The following CACNB1 variants were observed in gnomAD, a reference collection of about 807,000 sequenced individuals.
CACNB1 encodes voltage-dependent L-type calcium channel subunit beta-1.
In CACNB1, 29 loss-of-function variants were observed where a neutral mutation model predicts 71.6. That is an observed-to-expected ratio of 0.40 (90% CI 0.30 to 0.55). The LOEUF (loss-of-function observed/expected upper bound fraction) is 0.55. Among genes scored for constraint, CACNB1 ranks in the 20% least tolerant of loss-of-function variants. The pLI is 0.38. For synonymous variants in CACNB1, 300 were observed against 319.6 expected, an observed-to-expected ratio of 0.94 and a Z score of 0.65; for missense variants, 623 against 801.8, an observed-to-expected ratio of 0.78 and a Z score of 2.69.
intron 1 of CACNB1, chr17:39,195,261 G>A (rs567958789): frequency 1.0e-4 from 33 of 317,200 alleles, no homozygotes; most frequent in African/African-American, 4.1e-4. Context: ...GGGGAGGCGC[G>A]GAGAAGCTGG....
intron 3 of CACNB1, among the ~76,000 whole-genome samples, chr17:39,188,565 CT>C (rs1253397014): frequency 6.7e-6 from 1 of 148,910 alleles, no homozygotes; most frequent in East Asian, 1.9e-4. Flanking sequence ...CAGAGTGAGA[CT>C]CCGTCAAAAA....
In CACNB1 at chr17:39,177,437, G is replaced by C; in HGVS notation, c.1245C>G (p.Pro415=). Residue 415 remains proline (P), a synonymous_variant, in exon 13 of 14, where the codon CCC becomes CCG. Coordinates refer to ENST00000394303, the MANE Select transcript of CACNB1 (RefSeq NM_000723.5). ...LEAYWKATHP[P]SSTPPNPLLN... is the part of the protein sequence containing the mutation. ...GCAGCGGATTGGGTGGCGTGCTGCT[G>C]GGCGGGTGTGTGGCCTTCCAATAGG... 6.2e-7 allele frequency: 1 copy of C among 1,613,816 alleles called. No homozygotes were observed. Among genetic ancestry groups the C allele is most frequent in the Non-Finnish European group, 8.5e-7 (1 of 1,179,828 alleles).
Position 39,194,939 on chromosome 17 carries a change from T to C in CACNB1, c.116A>G (p.Lys39Arg). 1 of 1,613,370 alleles carries C rather than the reference T, an allele frequency of 6.2e-7. No homozygotes were observed. Among genetic ancestry groups the C allele is most frequent in the Non-Finnish European group, 8.5e-7 (1 of 1,179,504 alleles). Residue 39 changes from lysine (K) to arginine (R), a missense_variant, in exon 2 of 14, where the codon AAA becomes AGA. Physicochemically the swap from Lys to Arg is conservative, Grantham distance 26. Coordinates refer to ENST00000394303, the MANE Select transcript of CACNB1 (RefSeq NM_000723.5). The surrounding 1 kb of genome is among the most constrained non-coding windows in gnomAD (Gnocchi z 4.6). Reference protein sequence around the residue: ...GKYSKRKGRFKRSDGSTSSDT... With the variant: ...GKYSKRKGRFRRSDGSTSSDT... Reference sequence around the variant, plus strand: ...CGAGGACGTGCTCCCATCTGACCGTTTGAATCGCCCTTTCCTCTTGCTGTA... The same window carrying C: ...CGAGGACGTGCTCCCATCTGACCGTCTGAATCGCCCTTTCCTCTTGCTGTA...
intron 3 of CACNB1, among the ~76,000 whole-genome samples, chr17:39,189,792 C>T (rs747515339): frequency 1.4e-4 from 22 of 151,790 alleles, no homozygotes; most frequent in Non-Finnish European, 2.6e-4. Flanking sequence ...GCCACCGCAC[C>T]CAGCCAGCCC....
rs568685414 is a variant in CACNB1 at position 39,178,148 on chromosome 17, G to A, written c.1051-69C>T. On this transcript the variant is annotated intron_variant, in intron 11 of 13. Transcript: ENST00000394303. ...AGGCAATGCACCCAGTCAGAGAGGC[G>A]GGTCCTGGTTGGATCAGCATGGAGA... 445 of 1,191,476 alleles carry A rather than the reference G, an allele frequency of 3.7e-4. 2 individuals carry two copies. Among genetic ancestry groups the A allele is most frequent in the South Asian group, 2.8e-3 (234 of 82,140 alleles). The allele number at this position is 1,191,476 out of a possible 1,614,324, so 73.8% of individuals were successfully genotyped here. A position where few individuals can be genotyped will look rare whatever the true frequency, so the allele number is the denominator to read the frequency against.
rs1029953588 is a variant in CACNB1, at chr17:39,197,455, G to T, written c.41C>A (p.Pro14His). 10 of 1,484,756 alleles carry T rather than the reference G, an allele frequency of 6.7e-6. No homozygotes were observed. In the Admixed American group the frequency reaches 2.8e-4, roughly 41 times the overall value. 92.0% of individuals were successfully genotyped at this position (1,484,756 alleles called of 1,614,324 possible). A position where few individuals can be genotyped will look rare whatever the true frequency, so the allele number is the denominator to read the frequency against. Residue 14 changes from proline to histidine, a missense_variant, in exon 1 of 14, where the codon CCC becomes CAC. By Grantham distance (77) the Pro-to-His change is moderately conservative. Transcript: ENST00000394303. ...KTSMSRGPYP[P>H]SQEIPMEVFD... ...GACCTCCATGGGGATCTCCTGGGAGGGTGGGTAAGGGCCCCGGGACATGCT... is the reference window on the plus strand; with the variant it reads ...GACCTCCATGGGGATCTCCTGGGAGTGTGGGTAAGGGCCCCGGGACATGCT...
chr17:39,191,760 T>C (rs1347000587), intron 2 of CACNB1, 167 bp from the exon 3 acceptor site: 2 of 627,772 alleles, frequency 3.2e-6, no homozygotes, highest in African/African-American at 1.9e-5. Flanking sequence ...GACCAGGAGC[T>C]GAGATTTCTC....
At position 39,174,904 on chromosome 17, in the gene CACNB1, T is replaced by C. The variant is rs143095135; in HGVS notation, c.*289A>G. The stretch of plus-strand genomic sequence containing the variant: ...GAGTTAAGGAAGTGCACCTTTTCTC[T>C]AGGAGGGTGAGGGAGGAGAGCCCCT... On this transcript the variant is annotated 3_prime_UTR_variant, in exon 14 of 14. Coordinates refer to ENST00000394303, the MANE Select transcript of CACNB1 (RefSeq NM_000723.5). 1.5e-3 allele frequency: 648 copies of C among 428,432 alleles called. 4 individuals carry two copies. The Middle Eastern group carries it at 0.024, about 16-fold the overall frequency. The allele number at this position is 428,432 out of a possible 1,614,324, so 26.5% of individuals were successfully genotyped here.
In CACNB1 at chr17:39,175,374, C is replaced by T. The variant is rs764091576; in HGVS notation, c.1616G>A (p.Gly539Asp). The T allele has an allele frequency of 1.9e-6, 3 of 1,614,016 alleles. No homozygotes were observed. Among genetic ancestry groups the T allele is most frequent in the Middle Eastern group, 1.7e-4 (1 of 6,060 alleles). The change falls in exon 14 of 14, where the codon GGC becomes GAC. Residue 539 changes from glycine (G) to aspartate (D), a missense_variant. Gly to Asp is a moderately conservative substitution (Grantham distance 94). Transcript: ENST00000394303. The surrounding 1 kb of genome is among the most constrained non-coding windows in gnomAD (Gnocchi z 4.7). The stretch of plus-strand genomic sequence containing the variant: ...GGATCCCTGTCGGGCTGGGGGCGTG[C>T]CGCCCCCTGCAGGGTCTCCAAGCCC... Reference protein sequence around the residue: ...GPGLGDPAGGGTPPARQGSWE... With the variant: ...GPGLGDPAGGDTPPARQGSWE...
rs1597677470 is a variant in CACNB1, at chr17:39,175,832, C to A, written c.1333-175G>T. ...CTCTGGAGCCCAGCCAGAGGACAGA[C>A]CTCAGGGCATTTGCTCCTCTCTCGG... is the stretch of plus-strand genomic sequence containing the variant. On this transcript the variant is annotated intron_variant, in intron 13 of 13. Transcript: ENST00000394303. The surrounding 1 kb of genome is among the most constrained non-coding windows in gnomAD (Gnocchi z 4.7). 6.6e-6 allele frequency among the ~76,000 whole-genome samples: 1 copy of A among 152,170 alleles called. No individual in the cohort carries two copies. The highest frequency in any genetic ancestry group is 2.4e-5 in the African/African-American group (1 of 41,438).
Position 39,175,794 on chromosome 17 carries a change from C to G in CACNB1, c.1333-137G>C. 2.0e-4 allele frequency: 128 copies of G among 647,598 alleles called. No individual in the cohort carries two copies. The highest frequency in any genetic ancestry group is 2.7e-4 in the East Asian group (9 of 33,684). The allele number at this position is 647,598 out of a possible 1,614,324, so 40.1% of individuals were successfully genotyped here. A position where few individuals can be genotyped will look rare whatever the true frequency, so the allele number is the denominator to read the frequency against. On this transcript the variant is annotated intron_variant, in intron 13 of 13. Transcript: ENST00000394303. This position sits in a 1 kb window ranked among gnomAD's most constrained non-coding sequence, Gnocchi z 4.7. Reference sequence around the variant, plus strand: ...GGTGCTGGCTCTAGAGGAGGGGCCCCGGGGACAAACGGCTCTGGAGCCCAG... The same window carrying G: ...GGTGCTGGCTCTAGAGGAGGGGCCCGGGGGACAAACGGCTCTGGAGCCCAG...
At chr17:39,190,238 A>T (rs1312611114) in intron 3 of CACNB1, among the ~76,000 whole-genome samples, 1 of 152,088 alleles carries the variant, frequency 6.6e-6, no homozygotes, top group African/African-American at 2.4e-5. Context: ...CCTGGGCAAC[A>T]TAGCAAGATC....
chr17:39,184,102 G>C lies in CACNB1; in HGVS notation c.827C>G (p.Ala276Gly). Reference protein sequence around the residue: ...ITRVTADISLAKRSVLNNPSK... With the variant: ...ITRVTADISLGKRSVLNNPSK... ...GGGGTTGTTGAGAACTGAGCGCTTA[G>C]CCAGGGAAATATCTGCCGTCACACG... The change falls in exon 10 of 14, where the codon GCT (alanine) becomes GGT (glycine). Residue 276 changes from alanine (A) to glycine (G), a missense_variant. Physicochemically the swap from Ala to Gly is moderately conservative, Grantham distance 60. Coordinates refer to ENST00000394303, the MANE Select transcript of CACNB1 (RefSeq NM_000723.5). 6.2e-7 allele frequency: 1 copy of C among 1,613,562 alleles called. No homozygotes were observed. The highest frequency in any genetic ancestry group is 8.5e-7 in the Non-Finnish European group (1 of 1,179,612).
At chr17:39,177,165 A>T in intron 13 of CACNB1, 185 bp downstream of exon 13, 1 of 1,436,502 alleles carries the variant, frequency 7.0e-7, no homozygotes, top group East Asian at 2.5e-5. Flanking sequence ...TTACAAAATA[A>T]AGCTCTTCCC....
chr17:39,193,388 T>C, intron 2 of CACNB1: 1 of 405,576 alleles, frequency 2.5e-6, no homozygotes, highest in Non-Finnish European at 5.0e-6. Context: ...AAGGCTGCCC[T>C]CCGTCAGCTT....
At position 39,189,983 on chromosome 17, in the gene CACNB1, C is replaced by T. The variant is rs994510857; in HGVS notation, c.291+1491G>A. On this transcript the variant is annotated intron_variant, in intron 3 of 13. Coordinates refer to ENST00000394303, the MANE Select transcript of CACNB1 (RefSeq NM_000723.5). ...AAAAAAAATTAGCCGGGCATGGTGG[C>T]GGGCGCCTATAATCCCAGCTACTTG... is the stretch of plus-strand genomic sequence containing the variant. Among the ~76,000 whole-genome samples, 9 of 151,584 alleles carry T rather than the reference C, an allele frequency of 5.9e-5. 1 individual carries two copies. In the East Asian group the frequency reaches 1.2e-3, roughly 20 times the overall value.
chr17:39,184,085 T>G lies in CACNB1; in HGVS notation c.844A>C (p.Asn282His). ...DISLAKRSVL[N>H]NPSKHIIIER... Reference sequence around the variant, plus strand: ...ATGATGATGTGTTTGCTGGGGTTGTTGAGAACTGAGCGCTTAGCCAGGGAA... The same window carrying G: ...ATGATGATGTGTTTGCTGGGGTTGTGGAGAACTGAGCGCTTAGCCAGGGAA... Residue 282 changes from asparagine (N) to histidine (H), a missense_variant, in exon 10 of 14, where the codon AAC becomes CAC. Asn to His is a moderately conservative substitution (Grantham distance 68, BLOSUM62 1). Transcript: ENST00000394303. The G allele has an allele frequency of 6.2e-7, 1 of 1,613,630 alleles. No homozygotes were observed. The highest frequency in any genetic ancestry group is 8.5e-7 in the Non-Finnish European group (1 of 1,179,836).
rs1040576358 is a variant in CACNB1, at chr17:39,174,645, A to G, written c.*548T>C. On this transcript the variant is annotated 3_prime_UTR_variant, in exon 14 of 14. Transcript: ENST00000394303. Reference sequence around the variant, plus strand: ...GAACCCTCCCCAAGACAAGCTCCCCATGGGGTGTCCATGCTATGGCTTTCA... The same window carrying G: ...GAACCCTCCCCAAGACAAGCTCCCCGTGGGGTGTCCATGCTATGGCTTTCA... 6.5e-6 allele frequency: 1 copy of G among 153,550 alleles called. No individual in the cohort carries two copies. The highest frequency in any genetic ancestry group is 2.4e-5 in the African/African-American group (1 of 41,376). 9.5% of individuals were successfully genotyped at this position (153,550 alleles called of 1,614,324 possible). A position where few individuals can be genotyped will look rare whatever the true frequency, so the allele number is the denominator to read the frequency against.
Position 39,197,522 on chromosome 17 carries a change from G to C in CACNB1, c.-27C>G, listed in dbSNP as rs985383420. 7.5e-6 allele frequency: 11 copies of C among 1,475,902 alleles called. No homozygotes were observed. Among genetic ancestry groups the C allele is most frequent in the African/African-American group, 7.4e-5 (5 of 67,616 alleles). 91.4% of individuals were successfully genotyped at this position (1,475,902 alleles called of 1,614,324 possible). ...GAGAGGAGCCTCCCCTCCCGCCGCC[G>C]GCCCGGCCCAGCCGGGCTCCCTCAG... On this transcript the variant is annotated 5_prime_UTR_variant, in exon 1 of 14. Transcript: ENST00000394303.
Sources: allele counts gnomAD v4.1 joint callset (sites outside exome capture counted in the v4.1 genomes callset), GRCh38; gene constraint gnomAD v4.1.1; non-coding constraint Gnocchi (gnomAD v3.1); transcripts MANE v1.5; gene names NCBI Gene and HGNC (gene_info 2026-07-23, HGNC 2026-07-21).